PTPRD: variants seen among roughly 807,000 people sequenced by gnomAD.
PTPRD encodes the protein protein tyrosine phosphatase receptor type D.
In PTPRD, 34 loss-of-function variants were observed where a neutral mutation model predicts 214.5. The ratio of observed to expected loss-of-function variants is 0.16; its 90% CI spans 0.12 to 0.21. The LOEUF (loss-of-function observed/expected upper bound fraction) is 0.21, where lower values mean the gene tolerates loss of function less well. Ranked by LOEUF, PTPRD falls within the 10% of genes least tolerant of loss-of-function variation. The pLI is 1.00. For missense variants in PTPRD, 2,545 were observed against 2,398.7 expected, an observed-to-expected ratio of 1.06 and a Z score of -1.27; for synonymous variants, 1,128 against 845.7, an observed-to-expected ratio of 1.33 and a Z score of -5.79.
intron 3 of PTPRD, among the ~76,000 whole-genome samples, chr9:10,068,972 T>C (rs542591823): frequency 2.0e-5 from 3 of 152,184 alleles, no homozygotes; most frequent in South Asian, 4.1e-4. Flanking sequence ...ATTCCCACCA[T>C]ATTAAACAGT....
intron 3 of PTPRD, among the ~76,000 whole-genome samples, chr9:10,322,465 T>G (rs1397420559): frequency 2.0e-5 from 3 of 152,024 alleles, no homozygotes; most frequent in Non-Finnish European, 2.9e-5. Flanking sequence ...ATGTCAAACC[T>G]ATAATATACA....
At position 8,523,497 on chromosome 9, in the gene PTPRD, TA is replaced by T. The variant is rs764662829; in HGVS notation, c.691+15del. On this transcript the variant is annotated intron_variant, in intron 19 of 45. Coordinates refer to ENST00000381196, the MANE Select transcript of PTPRD (RefSeq NM_002839.4). ...ATAGTTTTGTAAGGTGGGTAAAAAGTAAAAAACACACCAACCTTCTCGCAGC... is the reference window on the plus strand; with the variant it reads ...ATAGTTTTGTAAGGTGGGTAAAAAGTAAAAACACACCAACCTTCTCGCAGC... The T allele has an allele frequency of 1.3e-5, 21 of 1,612,610 alleles. No homozygotes were observed. The Admixed American group carries it at 3.3e-4, about 26-fold the overall frequency.
At chr9:10,531,901 T>A (rs2056463550) in intron 2 of PTPRD, among the ~76,000 whole-genome samples, 1 of 152,188 alleles carries the variant, frequency 6.6e-6, no homozygotes, top group Non-Finnish European at 1.5e-5. Flanking sequence ...ATGGTAACTT[T>A]CCCATGGAGA....
rs115750242 is a variant in PTPRD at position 8,725,524 on chromosome 9, C to G, written c.64+8256G>C. ...ATTTACATTTTAAAAAGATTCTGCT[C>G]AAATTGTGAAGTTAATGGGATAATA... is the stretch of plus-strand genomic sequence containing the variant. On this transcript the variant is annotated intron_variant, in intron 12 of 45. Transcript: ENST00000381196. Among the ~76,000 whole-genome samples, 905 of 152,140 alleles carry G rather than the reference C, an allele frequency of 5.9e-3. 11 individuals are homozygous for G. The highest frequency in any genetic ancestry group is 0.021 in the African/African-American group (852 of 41,498).
chr9:9,085,136 G>A (rs2099765126), intron 10 of PTPRD, among the ~76,000 whole-genome samples: 2 of 152,014 alleles, frequency 1.3e-5, no homozygotes, highest in Admixed American at 1.3e-4. Flanking sequence ...TATATATTTA[G>A]TGATTTTTTT....
chr9:9,580,659 C>T (rs2090508128), intron 7 of PTPRD, among the ~76,000 whole-genome samples: 1 of 150,820 alleles, frequency 6.6e-6, no homozygotes, highest in Non-Finnish European at 1.5e-5. Flanking sequence ...AGCAATTCTC[C>T]TGCCTCAGCC....
intron 12 of PTPRD, among the ~76,000 whole-genome samples, chr9:8,696,785 T>C (rs2097919557): frequency 6.6e-6 from 1 of 152,182 alleles, no homozygotes; most frequent in Non-Finnish European, 1.5e-5. Context: ...CAAGTTAAAT[T>C]GATACATTTT....
chr9:9,064,195 G>C (rs940241357), intron 10 of PTPRD, among the ~76,000 whole-genome samples: 1 of 152,070 alleles, frequency 6.6e-6, no homozygotes, highest in African/African-American at 2.4e-5. Flanking sequence ...CTCAGCATCT[G>C]TAGTTTCAAC....
chr9:8,380,088 G>A (rs923404819), intron 37 of PTPRD, among the ~76,000 whole-genome samples: 2 of 152,108 alleles, frequency 1.3e-5, no homozygotes, highest in Non-Finnish European at 2.9e-5. Context: ...ATTTTTGTGT[G>A]TGGGGGGTTG....
rs1320272862 is a variant in PTPRD at position 8,673,968 on chromosome 9, T to A, written c.65-37124A>T. Reference sequence around the variant, plus strand: ...GACAACCAAAAACGTCTCCAAACGTTACCAAATATTCCCTGGGAAACAACT... The same window carrying A: ...GACAACCAAAAACGTCTCCAAACGTAACCAAATATTCCCTGGGAAACAACT... On this transcript the variant is annotated intron_variant, in intron 12 of 45. Coordinates refer to ENST00000381196, the MANE Select transcript of PTPRD (RefSeq NM_002839.4). 2.6e-5 allele frequency among the ~76,000 whole-genome samples: 4 copies of A among 152,132 alleles called. No individual in the cohort carries two copies. The East Asian group carries it at 5.8e-4, about 22-fold the overall frequency.
intron 11 of PTPRD, among the ~76,000 whole-genome samples, chr9:8,885,440 G>C (rs2098478745): frequency 6.8e-6 from 1 of 148,058 alleles, no homozygotes; most frequent in Admixed American, 6.8e-5. Flanking sequence ...TCATGTTCAA[G>C]ATTTTCTGAT....
At chr9:8,919,419 T>G (rs1039999644) in intron 11 of PTPRD, among the ~76,000 whole-genome samples, 2 of 151,276 alleles carry the variant, frequency 1.3e-5, no homozygotes, top group African/African-American at 4.9e-5. Context: ...TTCAACCAGA[T>G]TTATCTAATT....
rs147617374 is a variant in PTPRD, at chr9:9,041,054, C to T, written c.-142-22319G>A. ...GATGACAAATTGTAGGTTGATGGCACTGAATTTACTGCTATGTAAATGCTA... is the reference window on the plus strand; with the variant it reads ...GATGACAAATTGTAGGTTGATGGCATTGAATTTACTGCTATGTAAATGCTA... On this transcript the variant is annotated intron_variant, in intron 10 of 45. Transcript: ENST00000381196. Among the ~76,000 whole-genome samples, 19 of 152,122 alleles carry T rather than the reference C, an allele frequency of 1.2e-4. No homozygotes were observed. In the East Asian group the frequency reaches 3.7e-3, roughly 29 times the overall value.
At position 10,384,424 on chromosome 9, in the gene PTPRD, A is replaced by G. The variant is rs974318934; in HGVS notation, c.-599-43407T>C. 2.0e-5 allele frequency among the ~76,000 whole-genome samples: 3 copies of G among 151,832 alleles called. No individual in the cohort carries two copies. The East Asian group carries it at 5.8e-4, about 30-fold the overall frequency. The stretch of plus-strand genomic sequence containing the variant: ...CATTACAATTTTCTGATTCTATATG[A>G]TCAAAAATAATAAAAAATGTTAATT... On this transcript the variant is annotated intron_variant, in intron 2 of 45. Coordinates refer to ENST00000381196, the MANE Select transcript of PTPRD (RefSeq NM_002839.4).
chr9:9,293,416 T>C (rs542012050), intron 9 of PTPRD, among the ~76,000 whole-genome samples: 4 of 151,228 alleles, frequency 2.6e-5, no homozygotes, highest in Non-Finnish European at 5.9e-5. Flanking sequence ...TTGTTTCTTT[T>C]ATGTCCTTAA....
At chr9:10,220,525 A>G (rs926812240) in intron 3 of PTPRD, among the ~76,000 whole-genome samples, 1 of 151,970 alleles carries the variant, frequency 6.6e-6, no homozygotes, top group Non-Finnish European at 1.5e-5. Flanking sequence ...ATTTTGCATC[A>G]AATGATTAAT....
intron 3 of PTPRD, among the ~76,000 whole-genome samples, chr9:10,189,543 C>A (rs557556460): frequency 1.3e-5 from 2 of 152,180 alleles, no homozygotes; most frequent in South Asian, 2.1e-4. Flanking sequence ...TGGAAGAGAG[C>A]TATTATAATA....
chr9:10,316,637 A>G (rs1050663811), intron 3 of PTPRD, among the ~76,000 whole-genome samples: 5 of 151,988 alleles, frequency 3.3e-5, no homozygotes, highest in African/African-American at 1.2e-4. Flanking sequence ...AATCAACACA[A>G]TTCTCAAAAT....
At chr9:9,768,319 A>T (rs1597263668) in intron 5 of PTPRD, among the ~76,000 whole-genome samples, 1 of 152,210 alleles carries the variant, frequency 6.6e-6, no homozygotes, top group East Asian at 1.9e-4. Flanking sequence ...TTTTTGGGAC[A>T]TAGTGACTAA....
Sources: gnomAD v4.1 joint callset for allele counts (sites outside exome capture counted in the v4.1 genomes callset) on GRCh38, gnomAD v4.1.1 for gene constraint, MANE v1.5 for transcripts, NCBI Gene and HGNC (gene_info 2026-07-23, HGNC 2026-07-21) for gene names.